Variants in ZNF780B observed in about 807,000 individuals in gnomAD.
ZNF780B encodes the protein zinc finger protein 779.
ZNF780B carries 52 observed loss-of-function variants against 74.1 expected under a neutral mutation model. The observed-to-expected ratio is 0.70, with a 90% CI of 0.56 to 0.88. The LOEUF is 0.88. Ranked by LOEUF, ZNF780B falls within the 40% of genes least tolerant of loss-of-function variation. ZNF780B has a pLI of 0.00. For missense variants in ZNF780B, 953 were observed against 1,007.6 expected (o/e 0.95, Z 0.73); for synonymous variants, 315 against 324.3 (o/e 0.97, Z 0.31).
intron 1 of ZNF780B, among the ~76,000 whole-genome samples, chr19:40,051,569 G>A (rs532397457): frequency 3.3e-5 from 5 of 151,996 alleles, no homozygotes; most frequent in South Asian, 2.1e-4. Flanking sequence ...TTCTACATCC[G>A]AATTCAAAAA....
intron 1 of ZNF780B, chr19:40,055,699 C>A (rs1183076215): frequency 1.3e-5 from 2 of 152,240 alleles, no homozygotes; most frequent in Non-Finnish European, 2.9e-5. Context: ...CCTGGGGGAC[C>A]CTCAAGAGGC....
intron 4 of ZNF780B, among the ~76,000 whole-genome samples, chr19:40,040,949 C>T (rs941078584): frequency 8.5e-5 from 13 of 152,148 alleles, no homozygotes; most frequent in African/African-American, 2.9e-4. Flanking sequence ...TTGCCTTCTG[C>T]TAGCTTTTGA....
Position 40,033,144 on chromosome 19 carries a change from G to C in ZNF780B, c.*1213C>G, listed in dbSNP as rs983929166. The C allele has an allele frequency of 6.5e-6, 1 of 152,800 alleles. No homozygotes were observed. Among genetic ancestry groups the C allele is most frequent in the Non-Finnish European group, 1.5e-5 (1 of 68,178 alleles). 9.5% of individuals were successfully genotyped at this position (152,800 alleles called of 1,614,324 possible). On this transcript the variant is annotated 3_prime_UTR_variant, in exon 5 of 5. Coordinates refer to ENST00000434248, the MANE Select transcript of ZNF780B (RefSeq NM_001005851.3). ...AATTACACTAGTAACAATTACACTA[G>C]TAATCAAAAAACACTGGTCACAGAT...
intron 4 of ZNF780B, among the ~76,000 whole-genome samples, chr19:40,044,931 C>T (rs891788338): frequency 1.3e-5 from 2 of 152,088 alleles, no homozygotes; most frequent in African/African-American, 4.8e-5. Context: ...CATGATCCAA[C>T]TATAAGCTGC....
chr19:40,046,680 TG>T (rs1037260536), intron 4 of ZNF780B, among the ~76,000 whole-genome samples: 12 of 152,356 alleles, frequency 7.9e-5, no homozygotes, highest in African/African-American at 2.9e-4. Context: ...CATGATTATT[TG>T]GTATTCCTTA....
rs1256820653 is a variant in ZNF780B, at chr19:40,030,131, G to T, written c.*4226C>A. 6.6e-6 allele frequency: 1 copy of T among 152,214 alleles called. No homozygotes were observed. The highest frequency in any genetic ancestry group is 6.5e-5 in the Admixed American group (1 of 15,272). 9.4% of individuals were successfully genotyped at this position (152,214 alleles called of 1,614,324 possible). A position where few individuals can be genotyped will look rare whatever the true frequency, so the allele number is the denominator to read the frequency against. ...GTGTTGCTATAAAGGAATGTCTGAG[G>T]TTGGGTTATTAATAAAGAAAGAGGT... On this transcript the variant is annotated 3_prime_UTR_variant, in exon 5 of 5. Coordinates refer to ENST00000434248, the MANE Select transcript of ZNF780B (RefSeq NM_001005851.3).
chr19:40,028,856 T>A lies in ZNF780B; in HGVS notation c.*5501A>T, dbSNP rs1371739812. 2 of 152,200 alleles carry A rather than the reference T, an allele frequency of 1.3e-5. No homozygotes were observed. The highest frequency in any genetic ancestry group is 6.5e-5 in the Admixed American group (1 of 15,278). The allele number at this position is 152,200 out of a possible 1,614,324, so 9.4% of individuals were successfully genotyped here. On this transcript the variant is annotated 3_prime_UTR_variant, in exon 5 of 5. Transcript: ENST00000434248. ...CTCAAATATTAATATATTAAGCTAG[T>A]TTGTTTTAAGAGGTTTCCAGAATTG... is the stretch of plus-strand genomic sequence containing the variant.
Position 40,031,631 on chromosome 19 carries a change from CAA to C in ZNF780B, c.*2724_*2725del, listed in dbSNP as rs2144675459. ...ATAGGTGCTGGTGATAAATGCTGAA[CAA>C]AAAAGAGGTTCCGGACAATCTTGGC... is the stretch of plus-strand genomic sequence containing the variant. On this transcript the variant is annotated 3_prime_UTR_variant, in exon 5 of 5. Transcript: ENST00000434248. 1 of 154,686 alleles carries C rather than the reference CAA, an allele frequency of 6.5e-6. No individual in the cohort carries two copies. The highest frequency in any genetic ancestry group is 1.4e-5 in the Non-Finnish European group (1 of 69,560). 9.6% of individuals were successfully genotyped at this position (154,686 alleles called of 1,614,324 possible).
In ZNF780B at chr19:40,034,386, G is replaced by C. The variant is rs1268351296; in HGVS notation, c.2473C>G (p.Leu825Val). 1.2e-6 allele frequency: 2 copies of C among 1,610,210 alleles called. No individual in the cohort carries two copies. The highest frequency in any genetic ancestry group is 2.2e-5 in the South Asian group (2 of 90,668). The change falls in exon 5 of 5, where the codon CTG becomes GTG. Residue 825 changes from leucine (L) to valine (V), a missense_variant. By Grantham distance (32) the Leu-to-Val change is conservative. Transcript: ENST00000434248. ...CCAAGTATGAATTTTCTGATGTTCA[G>C]TAAGTTGCTACTGATGTCTGAAGGC... is the stretch of plus-strand genomic sequence containing the variant. ...GQPSDISSNL[L>V]NIRKFILG
intron 2 of ZNF780B, among the ~76,000 whole-genome samples, chr19:40,049,233 CAAA>C (rs35460563): frequency 0.034 from 1,182 of 35,046 alleles, 11 homozygotes; most frequent in African/African-American, 0.085. Flanking sequence ...GACCCTATCT[CAAA>C]AAAAAAAAAA....
At chr19:40,047,139 A>G in intron 4 of ZNF780B, 1 of 431,420 alleles carries the variant, frequency 2.3e-6, no homozygotes. Context: ...TCACTTCATT[A>G]AAAGAGGAAG....
At chr19:40,047,273 GAAAGTTTTCC>G in intron 4 of ZNF780B, 92 bp downstream of exon 4, 1 of 1,035,954 alleles carries the variant, frequency 9.7e-7, no homozygotes, top group Admixed American at 1.9e-5. Flanking sequence ...GGTTATTGAA[GAAAGTTTTCC>G]AAACCACATC....
rs1482829198 is a variant in ZNF780B at position 40,031,380 on chromosome 19, T to A, written c.*2977A>T. ...GGGATTACAGGAATGCACCACCATGTCCAGCTAATTTTTTTATTTTTAGGA... is the reference window on the plus strand; with the variant it reads ...GGGATTACAGGAATGCACCACCATGACCAGCTAATTTTTTTATTTTTAGGA... On this transcript the variant is annotated 3_prime_UTR_variant, in exon 5 of 5. Transcript: ENST00000434248. 6.6e-6 allele frequency: 1 copy of A among 152,130 alleles called. No homozygotes were observed. Among genetic ancestry groups the A allele is most frequent in the African/African-American group, 2.4e-5 (1 of 41,434 alleles). 9.4% of individuals were successfully genotyped at this position (152,130 alleles called of 1,614,324 possible).
Position 40,038,363 on chromosome 19 carries a change from C to T in ZNF780B, c.233-1737G>A, listed in dbSNP as rs373486653. Among the ~76,000 whole-genome samples, 865 of 152,064 alleles carry T rather than the reference C, an allele frequency of 5.7e-3. 19 individuals are homozygous for T. Among genetic ancestry groups the T allele is most frequent in the South Asian group, 0.052 (249 of 4,806 alleles). ...AAGACTTTGCTATTGTGAATAGTGC[C>T]GCAATAAACATACGTGTGCATGTGT... On this transcript the variant is annotated intron_variant, in intron 4 of 4. Coordinates refer to ENST00000434248, the MANE Select transcript of ZNF780B (RefSeq NM_001005851.3).
intron 4 of ZNF780B, among the ~76,000 whole-genome samples, chr19:40,040,201 C>T (rs1972567126): frequency 6.6e-6 from 1 of 152,096 alleles, no homozygotes; most frequent in East Asian, 1.9e-4. Context: ...TGTTTATATG[C>T]TGGATTACAT....
intron 4 of ZNF780B, among the ~76,000 whole-genome samples, 166 bp from the exon 5 acceptor site, chr19:40,036,792 T>C (rs1001786746): frequency 6.6e-6 from 1 of 152,068 alleles, no homozygotes; most frequent in Non-Finnish European, 1.5e-5. Flanking sequence ...GTGGTGTGCA[T>C]AAGGGAACAG....
Position 40,030,720 on chromosome 19 carries a change from T to C in ZNF780B, c.*3637A>G, listed in dbSNP as rs368801826. The C allele has an allele frequency of 1.2e-4, 19 of 152,324 alleles. No individual in the cohort carries two copies. Among genetic ancestry groups the C allele is most frequent in the African/African-American group, 4.3e-4 (18 of 41,568 alleles). The allele number at this position is 152,324 out of a possible 1,614,324, so 9.4% of individuals were successfully genotyped here. A position where few individuals can be genotyped will look rare whatever the true frequency, so the allele number is the denominator to read the frequency against. Reference sequence around the variant, plus strand: ...TAGTACTGCCATGATTGCATGATGATAGAGTTTCACCGAAAGGCTGCCAGG... The same window carrying C: ...TAGTACTGCCATGATTGCATGATGACAGAGTTTCACCGAAAGGCTGCCAGG... On this transcript the variant is annotated 3_prime_UTR_variant, in exon 5 of 5. Transcript: ENST00000434248.
Position 40,032,430 on chromosome 19 carries a change from A to G in ZNF780B, c.*1927T>C. ...AATGGACTCTCCTTAGAAAATGAAT[A>G]GCTGTAGGCCAGGCATGCTGGCTCA... On this transcript the variant is annotated 3_prime_UTR_variant, in exon 5 of 5. Transcript: ENST00000434248. The G allele has an allele frequency of 2.8e-6, 1 of 359,604 alleles. No homozygotes were observed. Among genetic ancestry groups the G allele is most frequent in the Admixed American group, 3.8e-5 (1 of 26,112 alleles). The allele number at this position is 359,604 out of a possible 1,614,324, so 22.3% of individuals were successfully genotyped here. A position where few individuals can be genotyped will look rare whatever the true frequency, so the allele number is the denominator to read the frequency against.
rs1002872409 is a variant in ZNF780B, at chr19:40,032,229, C to T, written c.*2128G>A. The T allele has an allele frequency of 2.8e-6, 1 of 362,246 alleles. No homozygotes were observed. Among genetic ancestry groups the T allele is most frequent in the South Asian group, 2.2e-5 (1 of 46,106 alleles). The allele number at this position is 362,246 out of a possible 1,614,324, so 22.4% of individuals were successfully genotyped here. ...CTGGTTGGTATCACAGACACAAAAC[C>T]TGGAGAAATAATAAAAAACAGAGGC... On this transcript the variant is annotated 3_prime_UTR_variant, in exon 5 of 5. Transcript: ENST00000434248.
Sources: allele counts gnomAD v4.1 joint callset (sites outside exome capture counted in the v4.1 genomes callset), GRCh38; gene constraint gnomAD v4.1.1; transcripts MANE v1.5; gene names NCBI Gene and HGNC (gene_info 2026-07-23, HGNC 2026-07-21).